Variants in DOCK5 observed in about 807,000 individuals in gnomAD.
DOCK5 encodes dedicator of cytokinesis 5.
DOCK5 carries 142 observed loss-of-function variants against 251.8 expected under a neutral mutation model. That is an observed-to-expected ratio of 0.56 (90% CI 0.49 to 0.65). The LOEUF is 0.65. DOCK5 is among the 30% of genes least tolerant of loss of function. The pLI is 0.00. For synonymous variants in DOCK5, 842 were observed against 835.5 expected (o/e 1.01, Z -0.13); for missense variants, 2,111 against 2,312.3 (o/e 0.91, Z 1.79).
chr8:25,218,330 C>T (rs1276177775), intron 1 of DOCK5, among the ~76,000 whole-genome samples: 1 of 152,200 alleles, frequency 6.6e-6, no homozygotes, highest in Non-Finnish European at 1.5e-5. Flanking sequence ...CTCTGATTAT[C>T]ATAGGGCATC....
At chr8:25,284,707 C>T (rs1056069433) in intron 5 of DOCK5, among the ~76,000 whole-genome samples, 3 of 152,244 alleles carry the variant, frequency 2.0e-5, no homozygotes, top group African/African-American at 7.2e-5. Flanking sequence ...GTGACTTAGA[C>T]ACGGTCGGAT....
At chr8:25,266,443 C>A (rs1488044042) in intron 2 of DOCK5, among the ~76,000 whole-genome samples, 1 of 151,736 alleles carries the variant, frequency 6.6e-6, no homozygotes, top group Non-Finnish European at 1.5e-5. Context: ...TCTCGATCTC[C>A]TGACCTCGTG....
chr8:25,303,118 A>C (rs762368588), intron 10 of DOCK5, among the ~76,000 whole-genome samples: 6 of 152,198 alleles, frequency 3.9e-5, no homozygotes, highest in Admixed American at 6.5e-5. Flanking sequence ...GAAGGAGGAA[A>C]GGAGGAAGAA....
At chr8:25,340,085 A>G (rs968280863) in intron 22 of DOCK5, among the ~76,000 whole-genome samples, 6 of 152,132 alleles carry the variant, frequency 3.9e-5, no homozygotes, top group African/African-American at 1.4e-4. Flanking sequence ...TCTAGGTTCG[A>G]GGTGATGCTG....
rs780971883 is a variant in DOCK5 at position 25,292,007 on chromosome 8, A to G, written c.322-17A>G. On this transcript the variant is annotated splice_polypyrimidine_tract_variant and intron_variant, in intron 5 of 51. Coordinates refer to ENST00000276440, the MANE Select transcript of DOCK5 (RefSeq NM_024940.8). ...TTTTTCTAAGAATCTTTTCTTCATCATATTTTCTCATCTTAGAACAACAAG... is the reference window on the plus strand; with the variant it reads ...TTTTTCTAAGAATCTTTTCTTCATCGTATTTTCTCATCTTAGAACAACAAG... The G allele has an allele frequency of 7.1e-6, 11 of 1,544,454 alleles. No individual in the cohort carries two copies. The East Asian group carries it at 1.2e-4, about 16-fold the overall frequency.
chr8:25,395,867 C>T lies in DOCK5; in HGVS notation c.4704+148C>T, dbSNP rs973340017. 20 of 989,736 alleles carry T rather than the reference C, an allele frequency of 2.0e-5. 1 individual carries two copies. Among genetic ancestry groups the T allele is most frequent in the African/African-American group, 3.2e-5 (2 of 62,232 alleles). The allele number at this position is 989,736 out of a possible 1,614,324, so 61.3% of individuals were successfully genotyped here. On this transcript the variant is annotated intron_variant, in intron 45 of 51. Coordinates refer to ENST00000276440, the MANE Select transcript of DOCK5 (RefSeq NM_024940.8). The stretch of plus-strand genomic sequence containing the variant: ...CTTCTGGCAAGTGAAGTGAATGAAA[C>T]GATTGTCCCTGACTTCTTAGAGACT...
rs941050024 is a variant in DOCK5 at position 25,368,433 on chromosome 8, C to T, written c.3284-138C>T. On this transcript the variant is annotated intron_variant, in intron 32 of 51. Transcript: ENST00000276440. ...TGTCTCTTACTCTGGCATCCACATGCTATCAGAATCTGAGTCACTCACTTC... is the reference window on the plus strand; with the variant it reads ...TGTCTCTTACTCTGGCATCCACATGTTATCAGAATCTGAGTCACTCACTTC... 27 of 1,110,276 alleles carry T rather than the reference C, an allele frequency of 2.4e-5. No homozygotes were observed. In the South Asian group the frequency reaches 3.9e-4, roughly 16 times the overall value. 68.8% of individuals were successfully genotyped at this position (1,110,276 alleles called of 1,614,324 possible).
Position 25,383,085 on chromosome 8 carries a change from G to A in DOCK5, c.4131+307G>A, listed in dbSNP as rs947693898. Among the ~76,000 whole-genome samples the A allele has an allele frequency of 4.6e-5, 7 of 152,138 alleles. No individual in the cohort carries two copies. In the East Asian group the frequency reaches 5.8e-4, roughly 13 times the overall value. ...GGAAAAGTGTGGACTGATGTATTTC[G>A]TTGTTTACCATGTTTCTAGCCAGAG... On this transcript the variant is annotated intron_variant, in intron 40 of 51. Coordinates refer to ENST00000276440, the MANE Select transcript of DOCK5 (RefSeq NM_024940.8).
chr8:25,269,714 A>G (rs1384971004), intron 3 of DOCK5, among the ~76,000 whole-genome samples: 2 of 152,258 alleles, frequency 1.3e-5, no homozygotes, highest in East Asian at 3.8e-4. Flanking sequence ...CTGGGGCAGC[A>G]TGACATGTCA....
At chr8:25,316,252 G>C (rs1313481998) in intron 13 of DOCK5, among the ~76,000 whole-genome samples, 3 of 152,268 alleles carry the variant, frequency 2.0e-5, no homozygotes, top group Admixed American at 2.0e-4. Flanking sequence ...GGCTGAGGTG[G>C]GCAGATTGCT....
chr8:25,252,050 T>C (rs1012071989), intron 2 of DOCK5, among the ~76,000 whole-genome samples: 8 of 151,980 alleles, frequency 5.3e-5, no homozygotes, highest in Middle Eastern at 3.4e-3. Context: ...GGCTTAATCA[T>C]CATCCTTTAG....
chr8:25,289,060 G>A (rs1804414460), intron 5 of DOCK5, among the ~76,000 whole-genome samples: 1 of 151,662 alleles, frequency 6.6e-6, no homozygotes, highest in African/African-American at 2.4e-5. Context: ...CTTTGAACTT[G>A]TGTTAGGGTT....
chr8:25,287,003 A>G (rs1804353031), intron 5 of DOCK5, among the ~76,000 whole-genome samples: 1 of 152,210 alleles, frequency 6.6e-6, no homozygotes, highest in Non-Finnish European at 1.5e-5. Context: ...TTCTTTGGGA[A>G]AATGAAGAAT....
chr8:25,364,378 C>T (rs541395643), intron 29 of DOCK5, among the ~76,000 whole-genome samples: 2 of 152,290 alleles, frequency 1.3e-5, no homozygotes, highest in African/African-American at 4.8e-5. Flanking sequence ...GGTTTGCAGT[C>T]TCAGATCTAC....
intron 41 of DOCK5, 103 bp from the exon 42 acceptor site, chr8:25,390,103 G>A: frequency 1.1e-6 from 1 of 906,696 alleles, no homozygotes; most frequent in South Asian, 1.7e-5. Context: ...GGAGTGATTG[G>A]TGCTGGTGGC....
chr8:25,401,032 A>G lies in DOCK5; in HGVS notation c.4892A>G (p.Glu1631Gly). ...RLSSCFRELK[E>G]KVEKHYGVIT... ...TCTTCTTGCTTCCGGGAACTCAAGG[A>G]GAAAGTAGAAAAGCACTATGGGGTT... is the stretch of plus-strand genomic sequence containing the variant. Residue 1631 changes from glutamate (E) to glycine (G), a missense_variant, in exon 47 of 52, where the codon GAG becomes GGG. Physicochemically the swap from Glu to Gly is moderately conservative, Grantham distance 98. Coordinates refer to ENST00000276440, the MANE Select transcript of DOCK5 (RefSeq NM_024940.8). The G allele has an allele frequency of 6.2e-7, 1 of 1,614,056 alleles. No homozygotes were observed. The highest frequency in any genetic ancestry group is 8.5e-7 in the Non-Finnish European group (1 of 1,179,898).
chr8:25,200,771 A>G (rs1336365933), intron 1 of DOCK5, among the ~76,000 whole-genome samples: 1 of 152,334 alleles, frequency 6.6e-6, no homozygotes. Flanking sequence ...ATTTTACTTC[A>G]ATAAAGGGCA....
At chr8:25,225,939 T>G (rs1207426216) in intron 1 of DOCK5, among the ~76,000 whole-genome samples, 1 of 152,140 alleles carries the variant, frequency 6.6e-6, no homozygotes, top group African/African-American at 2.4e-5. Flanking sequence ...GTTACACTTT[T>G]GCAAGATGAA....
At chr8:25,265,876 G>C (rs1331427891) in intron 2 of DOCK5, among the ~76,000 whole-genome samples, 1 of 151,852 alleles carries the variant, frequency 6.6e-6, no homozygotes, top group Non-Finnish European at 1.5e-5. Context: ...AATTTTGACA[G>C]TGGAATTAGC....
Sources: allele counts gnomAD v4.1 joint callset (sites outside exome capture counted in the v4.1 genomes callset), GRCh38; gene constraint gnomAD v4.1.1; transcripts MANE v1.5; gene names NCBI Gene and HGNC (gene_info 2026-07-23, HGNC 2026-07-21).